LRP1B: variants seen among roughly 807,000 people sequenced by gnomAD.
LRP1B encodes LDL receptor related protein 1B, also known as low-density lipoprotein receptor-related protein 1B.
In LRP1B, 217 loss-of-function variants were observed where a neutral mutation model predicts 556.6. The ratio of observed to expected loss-of-function variants is 0.39; its 90% CI spans 0.35 to 0.44. LRP1B has a LOEUF of 0.44. Among genes scored for constraint, LRP1B ranks in the 20% least tolerant of loss-of-function variants. The pLI is 1.00. For synonymous variants in LRP1B, 2,047 were observed against 1,865.8 expected, an observed-to-expected ratio of 1.10 and a Z score of -2.50; for missense variants, 5,053 against 5,620.8, an observed-to-expected ratio of 0.90 and a Z score of 3.23.
intron 1 of LRP1B, among the ~76,000 whole-genome samples, chr2:142,023,231 C>A (rs1441997315): frequency 1.3e-5 from 2 of 152,124 alleles, no homozygotes; most frequent in African/African-American, 4.8e-5. Context: ...TTCTAATGAG[C>A]TGATGCAATA....
chr2:140,573,883 C>T (rs947428940), intron 43 of LRP1B, among the ~76,000 whole-genome samples: 3 of 151,938 alleles, frequency 2.0e-5, no homozygotes, highest in Non-Finnish European at 4.4e-5. Flanking sequence ...CTATTTCACT[C>T]AAGGACAGAT....
intron 3 of LRP1B, among the ~76,000 whole-genome samples, chr2:141,359,738 A>G (rs1366210663): frequency 6.6e-6 from 1 of 152,078 alleles, no homozygotes; most frequent in East Asian, 1.9e-4. Flanking sequence ...CCTGGGCTAT[A>G]GAGTGAGAAT....
intron 11 of LRP1B, among the ~76,000 whole-genome samples, chr2:141,023,503 A>C (rs1698126070): frequency 6.6e-6 from 1 of 152,038 alleles, no homozygotes. Context: ...GACTAGACCA[A>C]ATAAACATTT....
At chr2:140,908,365 A>AATATATATATAT (rs71834225) in intron 21 of LRP1B, among the ~76,000 whole-genome samples, 3 of 141,002 alleles carry the variant, frequency 2.1e-5, no homozygotes, top group Non-Finnish European at 4.6e-5. Context: ...ATATTTATAT[A>AATATATATATAT]ATATATATAT....
intron 43 of LRP1B, among the ~76,000 whole-genome samples, chr2:140,597,733 T>C (rs1463890661): frequency 6.6e-6 from 1 of 152,226 alleles, no homozygotes; most frequent in African/African-American, 2.4e-5. Context: ...TTTATTTGAA[T>C]ACTGTCAGGT....
At chr2:140,699,473 A>C (rs1298337974) in intron 41 of LRP1B, among the ~76,000 whole-genome samples, 2 of 151,850 alleles carry the variant, frequency 1.3e-5, no homozygotes, top group African/African-American at 4.8e-5. Flanking sequence ...ATATTATTTG[A>C]ACACTCTACA....
At chr2:141,006,621 C>G (rs1697583312) in intron 14 of LRP1B, among the ~76,000 whole-genome samples, 1 of 151,922 alleles carries the variant, frequency 6.6e-6, no homozygotes, top group South Asian at 2.1e-4. Context: ...TGCACCTAAA[C>G]TATACGGTGC....
chr2:140,271,115 G>A (rs16843745), intron 85 of LRP1B, among the ~76,000 whole-genome samples: 1 of 151,814 alleles, frequency 6.6e-6, no homozygotes, highest in African/African-American at 2.4e-5. Context: ...TGGGAAAAAC[G>A]CAGACATTTT....
intron 37 of LRP1B, among the ~76,000 whole-genome samples, 173 bp from the exon 38 acceptor site, chr2:140,702,726 TA>T (rs1158771003): frequency 6.6e-6 from 1 of 152,074 alleles, no homozygotes; most frequent in East Asian, 1.9e-4. Flanking sequence ...ATTTTTATCG[TA>T]AAAAAATAGT....
In LRP1B at chr2:140,385,932, G is replaced by T. The variant is rs2105198533; in HGVS notation, c.10492C>A (p.Gln3498Lys). ...TCTGAATTATCACTGCAGTCATTTTGGCTATCACACCGCCAGTGATCGGGA... is the reference window on the plus strand; with the variant it reads ...TCTGAATTATCACTGCAGTCATTTTTGCTATCACACCGCCAGTGATCGGGA... ...CIPDHWRCDS[Q>K]NDCSDNSDEE... is the part of the protein sequence containing the mutation. The change falls in exon 67 of 91, where the codon CAA (glutamine) becomes AAA (lysine). Residue 3498 changes from glutamine (Q) to lysine (K), a missense_variant. Coordinates refer to ENST00000389484, the MANE Select transcript of LRP1B (RefSeq NM_018557.3). 1 of 1,612,964 alleles carries T rather than the reference G, an allele frequency of 6.2e-7. No individual in the cohort carries two copies. Among genetic ancestry groups the T allele is most frequent in the Non-Finnish European group, 8.5e-7 (1 of 1,179,166 alleles).
At chr2:141,094,903 C>A (rs532501904) in intron 7 of LRP1B, among the ~76,000 whole-genome samples, 1 of 152,276 alleles carries the variant, frequency 6.6e-6, no homozygotes, top group South Asian at 2.1e-4. Flanking sequence ...ACCCCTGTTA[C>A]GGTTTGAATG....
intron 7 of LRP1B, among the ~76,000 whole-genome samples, chr2:141,075,767 A>T (rs981219501): frequency 1.3e-5 from 2 of 152,148 alleles, no homozygotes; most frequent in African/African-American, 4.8e-5. Context: ...TGCTGAACAA[A>T]CCTGGTTCAC....
chr2:141,096,679 A>AGAGAGGGAGAGAGAGAGAGAGAGG (rs1553459412), intron 7 of LRP1B, among the ~76,000 whole-genome samples: 2 of 88,508 alleles, frequency 2.3e-5, no homozygotes, highest in African/African-American at 3.8e-5. Flanking sequence ...AGAGAGAGAG[A>AGAGAGGGAGAGAGAGAGAGAGAGG]GAGAGAGAGA....
chr2:140,654,348 C>A (rs1381941461), intron 41 of LRP1B, among the ~76,000 whole-genome samples: 3 of 151,866 alleles, frequency 2.0e-5, no homozygotes. Context: ...ATGACATTAA[C>A]AAGGATGAAT....
intron 7 of LRP1B, among the ~76,000 whole-genome samples, chr2:141,120,789 T>C (rs1260985552): frequency 6.6e-6 from 1 of 152,012 alleles, no homozygotes; most frequent in African/African-American, 2.4e-5. Context: ...CATTTAGCTA[T>C]ATAGGCCAAG....
chr2:141,192,268 C>T (rs965926297), intron 6 of LRP1B, among the ~76,000 whole-genome samples: 1 of 151,844 alleles, frequency 6.6e-6, no homozygotes, highest in East Asian at 1.9e-4. Context: ...ATTTAATAAG[C>T]ATTTAAAGGT....
chr2:140,801,298 A>ATAG (rs1483942913), intron 32 of LRP1B, among the ~76,000 whole-genome samples: 1 of 152,220 alleles, frequency 6.6e-6, no homozygotes, highest in Non-Finnish European at 1.5e-5. Flanking sequence ...GTAAGCAGAC[A>ATAG]TAGCCTTGAA....
intron 31 of LRP1B, among the ~76,000 whole-genome samples, chr2:140,834,260 A>C (rs1230582207): frequency 6.6e-6 from 1 of 152,150 alleles, no homozygotes; most frequent in Non-Finnish European, 1.5e-5. Flanking sequence ...ATTTTTTGAG[A>C]CGGAGTCGCT....
At chr2:140,769,117 G>C (rs1288344673) in intron 35 of LRP1B, 96 bp downstream of exon 35, 12 of 1,105,800 alleles carry the variant, frequency 1.1e-5, no homozygotes, top group Non-Finnish European at 1.6e-5. Flanking sequence ...TTCTCATCTT[G>C]ACTATTAAAG....
Sources: gnomAD v4.1 joint callset for allele counts (sites outside exome capture counted in the v4.1 genomes callset) on GRCh38, gnomAD v4.1.1 for gene constraint, MANE v1.5 for transcripts, NCBI Gene and HGNC (gene_info 2026-07-23, HGNC 2026-07-21) for gene names.